Variants in FCHSD2 observed in about 807,000 individuals in gnomAD.
FCHSD2 encodes F-BAR and double SH3 domains protein 2.
A neutral mutation model predicts 108.1 loss-of-function variants in FCHSD2; 38 were observed. That is an observed-to-expected ratio of 0.35 (90% CI 0.27 to 0.46). The LOEUF is 0.46. Ranked by LOEUF, FCHSD2 falls within the 20% of genes least tolerant of loss-of-function variation. The pLI is 1.00. For synonymous variants in FCHSD2, 279 were observed against 314.7 expected (o/e 0.89, Z 1.20); for missense variants, 751 against 897.8 (o/e 0.84, Z 2.09).
intron 3 of FCHSD2, among the ~76,000 whole-genome samples, chr11:73,042,654 G>A (rs1375070898): frequency 6.6e-6 from 1 of 152,252 alleles, no homozygotes; most frequent in Middle Eastern, 3.4e-3. Flanking sequence ...GGGTAGAATG[G>A]TCATGTTAAC....
intron 3 of FCHSD2, among the ~76,000 whole-genome samples, chr11:73,025,097 A>G (rs1015192504): frequency 6.6e-6 from 1 of 152,220 alleles, no homozygotes; most frequent in Non-Finnish European, 1.5e-5. Context: ...TCAAAGAACT[A>G]AAGACAGAAA....
At chr11:73,130,761 C>T (rs970685137) in intron 2 of FCHSD2, among the ~76,000 whole-genome samples, 1 of 152,158 alleles carries the variant, frequency 6.6e-6, no homozygotes, top group African/African-American at 2.4e-5. Flanking sequence ...CTTTTTCTCC[C>T]CAACATAACT....
intron 12 of FCHSD2, among the ~76,000 whole-genome samples, chr11:72,870,131 C>T (rs1451248461): frequency 1.3e-5 from 2 of 152,076 alleles, no homozygotes; most frequent in African/African-American, 4.8e-5. Context: ...CTGGTGAGTG[C>T]TTATCTTTTG....
At chr11:73,023,215 C>T (rs1858149304) in intron 3 of FCHSD2, among the ~76,000 whole-genome samples, 1 of 152,030 alleles carries the variant, frequency 6.6e-6, no homozygotes, top group Non-Finnish European at 1.5e-5. Context: ...GAATTAAACT[C>T]TTTCTTCTGG....
At chr11:72,990,441 C>T (rs1857389797) in intron 5 of FCHSD2, among the ~76,000 whole-genome samples, 1 of 152,176 alleles carries the variant, frequency 6.6e-6, no homozygotes, top group African/African-American at 2.4e-5. Context: ...CCAAAACTGA[C>T]CACATAGTTG....
intron 12 of FCHSD2, among the ~76,000 whole-genome samples, chr11:72,869,314 C>G (rs1176970920): frequency 6.6e-6 from 1 of 151,812 alleles, no homozygotes; most frequent in African/African-American, 2.4e-5. Flanking sequence ...TTAATTACAA[C>G]AATCTTGATA....
At chr11:72,940,120 A>C (rs896262077) in intron 8 of FCHSD2, among the ~76,000 whole-genome samples, 3 of 152,224 alleles carry the variant, frequency 2.0e-5, no homozygotes, top group Non-Finnish European at 2.9e-5. Context: ...CTAATTCCAT[A>C]GAAGCAGGAC....
chr11:72,892,217 T>C (rs999903636), intron 10 of FCHSD2, among the ~76,000 whole-genome samples: 43 of 152,358 alleles, frequency 2.8e-4, no homozygotes, highest in Admixed American at 2.5e-3. Flanking sequence ...ACAGAATTTA[T>C]ACCTTCTTAT....
At chr11:72,858,234 C>T (rs1861476227) in intron 13 of FCHSD2, among the ~76,000 whole-genome samples, 1 of 152,164 alleles carries the variant, frequency 6.6e-6, no homozygotes, top group African/African-American at 2.4e-5. Context: ...GTGGACATCA[C>T]TCCAAATACA....
At chr11:72,952,624 C>T (rs1393659237) in intron 8 of FCHSD2, among the ~76,000 whole-genome samples, 5 of 152,004 alleles carry the variant, frequency 3.3e-5, no homozygotes, top group Non-Finnish European at 5.9e-5. Context: ...CATGCCTGGC[C>T]TATAGTTAAT....
intron 2 of FCHSD2, among the ~76,000 whole-genome samples, chr11:73,111,051 G>A (rs980642825): frequency 1.1e-4 from 16 of 151,988 alleles, no homozygotes; most frequent in Admixed American, 6.6e-5. Flanking sequence ...TATTATTTCA[G>A]GGGTTTTTTT....
intron 8 of FCHSD2, chr11:72,940,861 G>C: frequency 1.1e-6 from 1 of 926,154 alleles, no homozygotes; most frequent in South Asian, 1.3e-5. Context: ...TTATTGGGTT[G>C]GTGAAGATTA....
intron 9 of FCHSD2, among the ~76,000 whole-genome samples, chr11:72,912,603 G>C (rs1463479475): frequency 3.3e-5 from 5 of 152,092 alleles, no homozygotes; most frequent in Non-Finnish European, 7.4e-5. Flanking sequence ...ATGTGTCTTT[G>C]TCTGATTTTG....
At chr11:72,855,747 C>T (rs772697298) in intron 13 of FCHSD2, among the ~76,000 whole-genome samples, 1 of 152,080 alleles carries the variant, frequency 6.6e-6, no homozygotes, top group Non-Finnish European at 1.5e-5. Flanking sequence ...GATCCACAGG[C>T]ACTTACCTAG....
At chr11:72,984,052 GA>G (rs775212474) in intron 8 of FCHSD2, 35 bp downstream of exon 8, 56 of 1,559,280 alleles carry the variant, frequency 3.6e-5, no homozygotes, top group Non-Finnish European at 4.6e-5. Flanking sequence ...TGTTTTCAAT[GA>G]AGTAAAATTA....
intron 10 of FCHSD2, among the ~76,000 whole-genome samples, chr11:72,897,346 G>C (rs1341262409): frequency 1.4e-5 from 2 of 141,734 alleles, no homozygotes; most frequent in Non-Finnish European, 3.0e-5. Flanking sequence ...AAGGATAGTT[G>C]TGTCTGTACT....
chr11:72,851,700 G>A lies in FCHSD2; in HGVS notation c.1309-1811C>T, dbSNP rs191098015. ...AGAGGTTGCAGTGAGCCGAGATTGT[G>A]CCACTGCACTCCGGCCTGGTGACAG... On this transcript the variant is annotated intron_variant, in intron 13 of 19. Coordinates refer to ENST00000409418, the MANE Select transcript of FCHSD2 (RefSeq NM_014824.3). Among the ~76,000 whole-genome samples, 1,206 of 152,148 alleles carry A rather than the reference G, an allele frequency of 7.9e-3. 19 individuals carry two copies. Among genetic ancestry groups the A allele is most frequent in the African/African-American group, 0.027 (1,130 of 41,510 alleles).
At chr11:72,997,540 T>G (rs1374753414) in intron 5 of FCHSD2, among the ~76,000 whole-genome samples, 2 of 152,174 alleles carry the variant, frequency 1.3e-5, no homozygotes, top group Non-Finnish European at 2.9e-5. Context: ...AGACCTACAG[T>G]AATTCAGATA....
At chr11:72,914,862 A>G in intron 9 of FCHSD2, among the ~76,000 whole-genome samples, 1 of 152,230 alleles carries the variant, frequency 6.6e-6, no homozygotes, top group Non-Finnish European at 1.5e-5. Context: ...AGCAATTGCA[A>G]CAAAAGCAAA....
Sources: gnomAD v4.1 joint callset for allele counts (sites outside exome capture counted in the v4.1 genomes callset) on GRCh38, gnomAD v4.1.1 for gene constraint, MANE v1.5 for transcripts, NCBI Gene and HGNC (gene_info 2026-07-23, HGNC 2026-07-21) for gene names.